MGAM2: variants seen among roughly 807,000 people sequenced by gnomAD.
The protein encoded by MGAM2 is probable maltase-glucoamylase 2.
Under a neutral mutation model 96.1 loss-of-function variants are expected in MGAM2, and 98 were observed. The ratio of observed to expected loss-of-function variants is 1.02; its 90% CI spans 0.87 to 1.21. MGAM2 has a LOEUF of 1.21. Among genes scored for constraint, MGAM2 ranks in the 50% most tolerant of loss-of-function variants. The probability of loss-of-function intolerance (pLI) is 0.00; values close to 1 mark genes in which losing one functional copy is unlikely to be tolerated. For synonymous variants in MGAM2, 749 were observed against 414.8 expected (o/e 1.81, Z -9.79); for missense variants, 2,055 against 1,182.4 (o/e 1.74, Z -10.82).
intron 1 of MGAM2, among the ~76,000 whole-genome samples, chr7:142,112,702 C>A (rs1817215993): frequency 6.6e-6 from 1 of 151,786 alleles, no homozygotes; most frequent in African/African-American, 2.4e-5. Context: ...TCAGTTCCAC[C>A]ACTAACCGTG....
intron 12 of MGAM2, among the ~76,000 whole-genome samples, chr7:142,143,358 T>C (rs1364644604): frequency 6.7e-6 from 1 of 148,260 alleles, no homozygotes; most frequent in African/African-American, 2.7e-5. Context: ...GCCAAAAATA[T>C]CAACACATTA....
intron 12 of MGAM2, 31 bp from the exon 13 acceptor site, chr7:142,143,738 C>G (rs1310360680): frequency 7.4e-6 from 4 of 541,730 alleles, no homozygotes; most frequent in Non-Finnish European, 1.4e-5. Flanking sequence ...TTCAACCAAG[C>G]TGATTGCCAC....
intron 33 of MGAM2, among the ~76,000 whole-genome samples, chr7:142,184,442 A>T (rs569942874): frequency 6.6e-6 from 1 of 152,308 alleles, no homozygotes; most frequent in African/African-American, 2.4e-5. Flanking sequence ...GCATTTATGT[A>T]CTATCTGTGA....
chr7:142,171,133 G>T (rs1327052445), intron 27 of MGAM2, 139 bp from the exon 28 acceptor site: 3 of 688,596 alleles, frequency 4.4e-6, no homozygotes, highest in Middle Eastern at 5.3e-4. Context: ...TATGACCTGG[G>T]TCATGTCACA....
At chr7:142,187,008 G>A (rs957154331) in intron 35 of MGAM2, among the ~76,000 whole-genome samples, 1 of 151,468 alleles carries the variant, frequency 6.6e-6, no homozygotes, top group Non-Finnish European at 1.5e-5. Context: ...GTAATTCAAA[G>A]TAATGAATAG....
chr7:142,136,735 C>T (rs920664087), intron 8 of MGAM2, 95 bp downstream of exon 8: 2 of 553,210 alleles, frequency 3.6e-6, no homozygotes, highest in Non-Finnish European at 6.4e-6. Context: ...AACTGTTGAA[C>T]AGAAGGCATT....
At chr7:142,114,740 G>A (rs1171861517) in intron 1 of MGAM2, among the ~76,000 whole-genome samples, 1 of 152,168 alleles carries the variant, frequency 6.6e-6, no homozygotes, top group South Asian at 2.1e-4. Flanking sequence ...ATTGAGAATA[G>A]AGGGGGAAAA....
At chr7:142,159,917 G>A (rs765460780) in intron 20 of MGAM2, among the ~76,000 whole-genome samples, 2 of 152,170 alleles carry the variant, frequency 1.3e-5, no homozygotes, top group Admixed American at 6.5e-5. Flanking sequence ...AAGCCCAGGT[G>A]TGGAATGACA....
intron 45 of MGAM2, chr7:142,208,301 C>T (rs1014485446): frequency 5.2e-6 from 3 of 574,314 alleles, no homozygotes; most frequent in Non-Finnish European, 9.9e-6. Context: ...AGTCTCCACA[C>T]TTCAGGTAAT....
intron 32 of MGAM2, among the ~76,000 whole-genome samples, chr7:142,180,787 G>T (rs971306521): frequency 6.6e-6 from 1 of 152,058 alleles, no homozygotes; most frequent in Admixed American, 6.6e-5. Flanking sequence ...GAAGGGACTT[G>T]TCTTTGAGTT....
intron 3 of MGAM2, among the ~76,000 whole-genome samples, chr7:142,126,570 T>C (rs1460170571): frequency 6.6e-6 from 1 of 152,094 alleles, no homozygotes; most frequent in African/African-American, 2.4e-5. Context: ...TATCTCCTCT[T>C]AGACAATTTT....
chr7:142,183,212 A>C (rs1796594126), intron 32 of MGAM2, 54 bp from the exon 33 acceptor site: 4 of 668,592 alleles, frequency 6.0e-6, no homozygotes, highest in Non-Finnish European at 1.1e-5. Context: ...TTGGAGAGAA[A>C]TTTTCTTAGA....
intron 20 of MGAM2, among the ~76,000 whole-genome samples, chr7:142,159,698 C>T (rs771890622): frequency 5.9e-5 from 9 of 152,160 alleles, no homozygotes; most frequent in Non-Finnish European, 1.3e-4. Flanking sequence ...CTCCCCACCC[C>T]TTAATACTAT....
At chr7:142,150,466 T>C (rs1795541317) in intron 15 of MGAM2, among the ~76,000 whole-genome samples, 1 of 152,124 alleles carries the variant, frequency 6.6e-6, no homozygotes, top group Non-Finnish European at 1.5e-5. Context: ...ATCATTACAC[T>C]AGGCCCAGAA....
chr7:142,132,146 G>T, intron 6 of MGAM2, 61 bp downstream of exon 6: 1 of 619,746 alleles, frequency 1.6e-6, no homozygotes, highest in South Asian at 1.9e-5. Flanking sequence ...TACTCATTCT[G>T]ATTTACTGGG....
chr7:142,168,540 G>T (rs1796097246), intron 26 of MGAM2, among the ~76,000 whole-genome samples: 1 of 152,146 alleles, frequency 6.6e-6, no homozygotes, highest in Non-Finnish European at 1.5e-5. Flanking sequence ...AAAATGCTGG[G>T]ATTACAGGCG....
chr7:142,171,980 A>C lies in MGAM2; in HGVS notation c.3352-118A>C, dbSNP rs1467433960. The C allele has an allele frequency of 1.6e-5, 7 of 435,430 alleles. No homozygotes were observed. In the Admixed American group the frequency reaches 2.1e-4, roughly 13 times the overall value. The allele number at this position is 435,430 out of a possible 1,614,324, so 27.0% of individuals were successfully genotyped here. A position where few individuals can be genotyped will look rare whatever the true frequency, so the allele number is the denominator to read the frequency against. On this transcript the variant is annotated intron_variant, in intron 28 of 47. Transcript: ENST00000477922. ...AGAAGGGAGAGTCAATGAAGGCCCA[A>C]CAAAGGACATGACATTGAGCTGAAT...
rs751905881 is a variant in MGAM2 at position 142,172,183 on chromosome 7, G to A, written c.3437G>A (p.Ser1146Asn). 6 of 716,576 alleles carry A rather than the reference G, an allele frequency of 8.4e-6. No individual in the cohort carries two copies. Among genetic ancestry groups the A allele is most frequent in the Non-Finnish European group, 1.5e-5 (6 of 391,584 alleles). 44.4% of individuals were successfully genotyped at this position (716,576 alleles called of 1,614,324 possible). The change falls in exon 29 of 48, where the codon AGC becomes AAC. Residue 1146 changes from serine to asparagine, a missense_variant. By Grantham distance (46) the Ser-to-Asn change is conservative. Coordinates refer to ENST00000477922, the MANE Select transcript of MGAM2 (RefSeq NM_001293626.2). ...GSAHGVLLLN[S>N]NAMDVTLQPT... ...GCCCATGGAGTGCTCCTGCTAAATA[G>A]CAATGCCATGGGTAAGGCATAGGCA...
chr7:142,203,207 T>C (rs1421978966), intron 45 of MGAM2, among the ~76,000 whole-genome samples: 4 of 152,174 alleles, frequency 2.6e-5, no homozygotes, highest in Non-Finnish European at 5.9e-5. Context: ...AGCTTGTGAA[T>C]ACTTTCTCCT....
Sources: allele counts gnomAD v4.1 joint callset (sites outside exome capture counted in the v4.1 genomes callset), GRCh38; gene constraint gnomAD v4.1.1; transcripts MANE v1.5; gene names NCBI Gene and HGNC (gene_info 2026-07-23, HGNC 2026-07-21).